Variants in DMXL1 observed in about 807,000 individuals in gnomAD.
DMXL1 encodes dmX-like protein 1.
Under a neutral mutation model 319.2 loss-of-function variants are expected in DMXL1, and 99 were observed. That is an observed-to-expected ratio of 0.31 (90% CI 0.26 to 0.37). The LOEUF (loss-of-function observed/expected upper bound fraction) is 0.37, where lower values mean the gene tolerates loss of function less well. Ranked by LOEUF, DMXL1 falls within the 10% of genes least tolerant of loss-of-function variation. The pLI, the probability that DMXL1 is intolerant of heterozygous loss-of-function variation, is 1.00. For synonymous variants in DMXL1, 1,385 were observed against 1,235.2 expected, an observed-to-expected ratio of 1.12 and a Z score of -2.54; for missense variants, 3,745 against 3,595.6, an observed-to-expected ratio of 1.04 and a Z score of -1.06.
intron 9 of DMXL1, among the ~76,000 whole-genome samples, chr5:119,123,082 C>T (rs1561644220): frequency 6.6e-6 from 1 of 152,272 alleles, no homozygotes; most frequent in South Asian, 2.1e-4. Flanking sequence ...TGGTGGATCA[C>T]TCGTGGTTAG....
chr5:119,157,147 C>T lies in DMXL1; in HGVS notation c.4702+5111C>T, dbSNP rs1190110058. ...GTCTACAGGTGTGCACCACTTGTGC[C>T]TGGCATGCCTATTTTTTAATTGAGT... On this transcript the variant is annotated intron_variant, in intron 19 of 43. Coordinates refer to ENST00000539542, the MANE Select transcript of DMXL1 (RefSeq NM_001290321.3). Among the ~76,000 whole-genome samples the T allele has an allele frequency of 3.3e-5, 5 of 152,092 alleles. No individual in the cohort carries two copies. In the South Asian group the frequency reaches 1.0e-3, roughly 32 times the overall value.
chr5:119,158,730 G>A (rs1439100710), intron 19 of DMXL1, among the ~76,000 whole-genome samples: 1 of 152,192 alleles, frequency 6.6e-6, no homozygotes, highest in East Asian at 1.9e-4. Context: ...TTTTGCATCA[G>A]TTGAGAGGAT....
chr5:119,213,242 G>A (rs1263648361), intron 34 of DMXL1, among the ~76,000 whole-genome samples: 2 of 152,078 alleles, frequency 1.3e-5, no homozygotes, highest in African/African-American at 2.4e-5. Flanking sequence ...CAAAATAAGT[G>A]TAGTCAGCAG....
Position 119,073,150 on chromosome 5 carries a change from C to T in DMXL1, c.87+1494C>T, listed in dbSNP as rs138241916. 9.4e-3 allele frequency among the ~76,000 whole-genome samples: 1,426 copies of T among 152,298 alleles called. 25 individuals carry two copies. The highest frequency in any genetic ancestry group is 0.031 in the African/African-American group (1,307 of 41,562). On this transcript the variant is annotated intron_variant, in intron 1 of 43. Coordinates refer to ENST00000539542, the MANE Select transcript of DMXL1 (RefSeq NM_001290321.3). ...GGATCACAGCTCACTGCAGCCTCGA[C>T]CTCCCCGGCACAAGCCGTCCTTCCA...
intron 13 of DMXL1, among the ~76,000 whole-genome samples, chr5:119,139,322 A>T (rs950937703): frequency 6.6e-6 from 1 of 152,214 alleles, no homozygotes; most frequent in African/African-American, 2.4e-5. Flanking sequence ...CCCACGTAAA[A>T]GGTATAGAGT....
chr5:119,130,384 C>A (rs1764592735), intron 10 of DMXL1, among the ~76,000 whole-genome samples: 2 of 151,830 alleles, frequency 1.3e-5, no homozygotes, highest in Admixed American at 6.6e-5. Flanking sequence ...GCTCTGTCAC[C>A]CAGGCTGGAG....
At chr5:119,109,207 T>C (rs1467947492) in intron 4 of DMXL1, among the ~76,000 whole-genome samples, 1 of 152,212 alleles carries the variant, frequency 6.6e-6, no homozygotes, top group Non-Finnish European at 1.5e-5. Flanking sequence ...AGTTGTTTTC[T>C]AAAAAGTATT....
intron 13 of DMXL1, among the ~76,000 whole-genome samples, chr5:119,136,357 T>C (rs1765991018): frequency 6.6e-6 from 1 of 152,180 alleles, no homozygotes; most frequent in South Asian, 2.1e-4. Flanking sequence ...TAACTTACGT[T>C]TAAAAGGGAA....
At position 119,177,500 on chromosome 5, in the gene DMXL1, A is replaced by T. The variant is rs148648457; in HGVS notation, c.6886+16A>T. ...CAATGGCCAGGTATAATTTTTATGT[A>T]TAGATCAGTTTTTTCTTAGTCTTAT... On this transcript the variant is annotated intron_variant, in intron 27 of 43. Transcript: ENST00000539542. 2.1e-4 allele frequency: 325 copies of T among 1,579,046 alleles called. No homozygotes were observed. The African/African-American group carries it at 3.8e-3, about 18-fold the overall frequency.
rs1461681311 is a variant in DMXL1, at chr5:119,173,668, A to ATGTGTGTGTGTGTGTGTGTG, written c.6682-1590_6682-1589insGTGTGTGTGTGTGTGTGTGT. On this transcript the variant is annotated intron_variant, in intron 25 of 43. Coordinates refer to ENST00000539542, the MANE Select transcript of DMXL1 (RefSeq NM_001290321.3). ...TCACCAAAGAAACAGAATCAGTAGG[A>ATGTGTGTGTGTGTGTGTGTG]TGTATGTGTGTGTGTGTGTGTGTGT... 2.0e-3 allele frequency among the ~76,000 whole-genome samples: 201 copies of ATGTGTGTGTGTGTGTGTGTG among 100,516 alleles called. 3 individuals are homozygous for ATGTGTGTGTGTGTGTGTGTG. Among genetic ancestry groups the ATGTGTGTGTGTGTGTGTGTG allele is most frequent in the African/African-American group, 5.7e-3 (190 of 33,074 alleles). The allele number at this position is 100,516 out of a possible 152,430, so 65.9% of individuals were successfully genotyped here.
chr5:119,165,239 C>T lies in DMXL1; in HGVS notation c.4929C>T (p.Tyr1643=), dbSNP rs1379172114. The change falls in exon 21 of 44, where the codon TAC becomes TAT. Residue 1643 remains tyrosine, a synonymous_variant. Coordinates refer to ENST00000539542, the MANE Select transcript of DMXL1 (RefSeq NM_001290321.3). ...KNDPLDAAIF[Y]LAMKKKAVIW... The stretch of plus-strand genomic sequence containing the variant: ...ATCCTTTAGATGCTGCCATTTTTTA[C>T]CTTGCAATGAAAAAGAAAGCTGTGA... 44 of 1,599,424 alleles carry T rather than the reference C, an allele frequency of 2.8e-5. No individual in the cohort carries two copies. Among genetic ancestry groups the T allele is most frequent in the Admixed American group, 1.0e-4 (6 of 58,624 alleles).
intron 5 of DMXL1, among the ~76,000 whole-genome samples, chr5:119,110,917 G>A (rs958050037): frequency 4.6e-5 from 7 of 152,074 alleles, no homozygotes; most frequent in Non-Finnish European, 1.0e-4. Flanking sequence ...GCCTCCTGAG[G>A]CACTGGGATT....
chr5:119,193,253 C>T (rs1779010468), intron 29 of DMXL1, among the ~76,000 whole-genome samples: 1 of 152,112 alleles, frequency 6.6e-6, no homozygotes, highest in Non-Finnish European at 1.5e-5. Context: ...GCTATTCTCT[C>T]CAACCTTTCT....
chr5:119,097,329 A>G (rs1361809644), intron 1 of DMXL1, among the ~76,000 whole-genome samples: 4 of 152,212 alleles, frequency 2.6e-5, no homozygotes, highest in Non-Finnish European at 5.9e-5. Context: ...GTGGAAATGC[A>G]TTAGAGGGAG....
rs1345824059 is a variant in DMXL1 at position 119,118,865 on chromosome 5, G to A, written c.794G>A (p.Arg265His). ...LLTCCKDNVC[R>H]LWVETFLPND... ...ACTTGCTGCAAAGATAATGTGTGTC[G>A]TCTTTGGGTAGAGACATTTTTACCA... The change falls in exon 8 of 44, where the codon CGT (arginine) becomes CAT (histidine). Residue 265 changes from arginine to histidine, a missense_variant. Arg to His is a conservative substitution (Grantham distance 29). Around this residue, in one of 4 missense-constraint regions of DMXL1, gnomAD observed 2,096 missense variants for 1,985.4 expected, o/e 1.06. Coordinates refer to ENST00000539542, the MANE Select transcript of DMXL1 (RefSeq NM_001290321.3). The A allele has an allele frequency of 4.3e-6, 7 of 1,613,866 alleles. No homozygotes were observed. The Middle Eastern group carries it at 5.0e-4, about 114-fold the overall frequency.
intron 1 of DMXL1, among the ~76,000 whole-genome samples, chr5:119,079,418 T>A (rs1437324239): frequency 6.6e-6 from 1 of 152,202 alleles, no homozygotes; most frequent in Non-Finnish European, 1.5e-5. Flanking sequence ...TATCTCTACT[T>A]TTTTCTTTCC....
intron 6 of DMXL1, 66 bp downstream of exon 6, chr5:119,114,607 C>G (rs537412247): frequency 1.2e-5 from 12 of 980,246 alleles, no homozygotes; most frequent in Admixed American, 7.3e-5. Flanking sequence ...TTAAAAACAT[C>G]AACTGGCTTC....
At chr5:119,131,700 T>C (rs1165871457) in intron 10 of DMXL1, among the ~76,000 whole-genome samples, 2 of 152,216 alleles carry the variant, frequency 1.3e-5, no homozygotes, top group African/African-American at 2.4e-5. Context: ...TTTACTTATT[T>C]TCCAGTTTAA....
chr5:119,089,884 C>G (rs1051898468), intron 1 of DMXL1, among the ~76,000 whole-genome samples: 1 of 151,716 alleles, frequency 6.6e-6, no homozygotes, highest in Non-Finnish European at 1.5e-5. Context: ...CCTTGGCCTC[C>G]CGAAGTGCTG....
Sources: allele counts gnomAD v4.1 joint callset (sites outside exome capture counted in the v4.1 genomes callset), GRCh38; gene constraint gnomAD v4.1.1; regional missense constraint gnomAD v4.1.1; transcripts MANE v1.5; gene names NCBI Gene and HGNC (gene_info 2026-07-23, HGNC 2026-07-21).